KIAA1671: variants seen among roughly 807,000 people sequenced by gnomAD.
KIAA1671 encodes KIAA1671, also known as uncharacterized protein KIAA1671.
Under a neutral mutation model 131.2 loss-of-function variants are expected in KIAA1671, and 52 were observed. The observed-to-expected ratio is 0.40, with a 90% CI of 0.32 to 0.50. The LOEUF is 0.50. Ranked by LOEUF, KIAA1671 falls within the 20% of genes least tolerant of loss-of-function variation. The probability of loss-of-function intolerance (pLI) is 0.73; values close to 1 mark genes in which losing one functional copy is unlikely to be tolerated. For missense variants in KIAA1671, 2,360 were observed against 2,364.2 expected, an observed-to-expected ratio of 1.00 and a Z score of 0.04; for synonymous variants, 1,003 against 961.6, an observed-to-expected ratio of 1.04 and a Z score of -0.80.
chr22:24,964,854 A>G (rs1004444899), intron 1 of KIAA1671, among the ~76,000 whole-genome samples: 3 of 152,152 alleles, frequency 2.0e-5, no homozygotes, highest in Non-Finnish European at 4.4e-5. Flanking sequence ...GCCTGACTCC[A>G]GCCACCATGC....
chr22:25,149,237 A>T (rs1932959967), intron 6 of KIAA1671, among the ~76,000 whole-genome samples: 1 of 152,112 alleles, frequency 6.6e-6, no homozygotes, highest in Non-Finnish European at 1.5e-5. Context: ...GTGCCTGGGA[A>T]CCAGGATTGG....
intron 1 of KIAA1671, among the ~76,000 whole-genome samples, chr22:24,961,816 C>T (rs768578994): frequency 7.2e-5 from 11 of 152,196 alleles, no homozygotes; most frequent in Admixed American, 1.3e-4. Flanking sequence ...TGGGGTAGGA[C>T]GGGTCCTTGC....
At chr22:25,131,780 G>C (rs1383321878) in intron 6 of KIAA1671, among the ~76,000 whole-genome samples, 2 of 152,240 alleles carry the variant, frequency 1.3e-5, no homozygotes, top group East Asian at 3.8e-4. Context: ...GGAGCAGGCT[G>C]GTTCCCTGTT....
intron 1 of KIAA1671, among the ~76,000 whole-genome samples, chr22:24,954,712 G>T (rs1170207463): frequency 1.3e-5 from 2 of 152,296 alleles, no homozygotes; most frequent in African/African-American, 4.8e-5. Flanking sequence ...AGGTTCAGAG[G>T]CTGGAAGCTG....
At chr22:25,078,387 A>G (rs982090084) in intron 6 of KIAA1671, among the ~76,000 whole-genome samples, 1 of 152,204 alleles carries the variant, frequency 6.6e-6, no homozygotes, top group Non-Finnish European at 1.5e-5. Flanking sequence ...TGAATAGCCA[A>G]GTATAATGGT....
At chr22:24,967,867 C>G (rs1230248460) in intron 1 of KIAA1671, among the ~76,000 whole-genome samples, 1 of 152,116 alleles carries the variant, frequency 6.6e-6, no homozygotes, top group Non-Finnish European at 1.5e-5. Context: ...GTGGCGGGTG[C>G]CTGTAGTCCC....
chr22:25,006,045 T>G (rs2123869161), intron 1 of KIAA1671, among the ~76,000 whole-genome samples: 1 of 152,280 alleles, frequency 6.6e-6, no homozygotes, highest in South Asian at 2.1e-4. Context: ...TTATTTTTCC[T>G]TTTTGAGATG....
intron 10 of KIAA1671, among the ~76,000 whole-genome samples, chr22:25,183,463 T>TCCCC (rs1934363011): frequency 1.2e-5 from 1 of 81,972 alleles, no homozygotes; most frequent in African/African-American, 4.9e-5. Context: ...CCTCCCTCCC[T>TCCCC]CTCTTCCTTC....
chr22:25,182,343 CCCTCCCTTTCTCTTCTTTCTTTCCT>C, intron 10 of KIAA1671, among the ~76,000 whole-genome samples: 1 of 75,656 alleles, frequency 1.3e-5, no homozygotes. Flanking sequence ...TTTCTTTCCT[CCCTCCCTTTCTCTTCTTTCTTTCCT>C]CCCTCCCTTT....
At chr22:25,179,506 C>G in intron 9 of KIAA1671, 3 of 1,611,028 alleles carry the variant, frequency 1.9e-6, no homozygotes, top group South Asian at 2.2e-5. Context: ...GCACCTCCCG[C>G]TCGTGCTCGC....
chr22:25,154,488 G>T (rs149782943), intron 6 of KIAA1671, among the ~76,000 whole-genome samples: 272 of 152,350 alleles, frequency 1.8e-3, no homozygotes, highest in African/African-American at 6.3e-3. Context: ...CAGGGCCTCT[G>T]GCTTACCATG....
Position 24,957,897 on chromosome 22 carries a change from C to T in KIAA1671, c.-208+5125C>T, listed in dbSNP as rs188775359. ...TTCTCCATGTTGGTCAGGCTGGTCT[C>T]GAACTCTCGACCTCATGTGATCCAC... On this transcript the variant is annotated intron_variant, in intron 1 of 12. Transcript: ENST00000358431. Among the ~76,000 whole-genome samples, 628 of 150,054 alleles carry T rather than the reference C, an allele frequency of 4.2e-3. 4 individuals are homozygous for T. The highest frequency in any genetic ancestry group is 0.015 in the African/African-American group (597 of 40,670).
intron 6 of KIAA1671, among the ~76,000 whole-genome samples, chr22:25,112,948 G>C (rs1047455443): frequency 6.6e-6 from 1 of 152,004 alleles, no homozygotes; most frequent in African/African-American, 2.4e-5. Context: ...ACCGAGGTGT[G>C]GTGGGCGAGT....
rs187323966 is a variant in KIAA1671, at chr22:25,067,863, C to T, written c.4530+18499C>T. 4.4e-3 allele frequency among the ~76,000 whole-genome samples: 673 copies of T among 152,380 alleles called. 2 individuals are homozygous for T. The highest frequency in any genetic ancestry group is 8.1e-3 in the Non-Finnish European group (552 of 68,032). On this transcript the variant is annotated intron_variant, in intron 6 of 12. Coordinates refer to ENST00000358431, the MANE Select transcript of KIAA1671 (RefSeq NM_001145206.2). ...AGTCATTCAGTAGGGCAGCCGCGAGCGCTGCATGCCCCACTTCTATTAATC... is the reference window on the plus strand; with the variant it reads ...AGTCATTCAGTAGGGCAGCCGCGAGTGCTGCATGCCCCACTTCTATTAATC...
intron 6 of KIAA1671, among the ~76,000 whole-genome samples, chr22:25,146,447 T>G (rs894754513): frequency 6.6e-6 from 1 of 152,206 alleles, no homozygotes; most frequent in African/African-American, 2.4e-5. Context: ...AGTACTGACA[T>G]GTTATTTATC....
intron 9 of KIAA1671, chr22:25,179,466 A>C: frequency 6.2e-7 from 1 of 1,613,360 alleles, no homozygotes; most frequent in East Asian, 2.2e-5. Flanking sequence ...TGGCGGCTGA[A>C]GTTGTTATTC....
At chr22:25,148,161 A>T (rs1188258088) in intron 6 of KIAA1671, among the ~76,000 whole-genome samples, 3 of 151,616 alleles carry the variant, frequency 2.0e-5, no homozygotes, top group Non-Finnish European at 4.4e-5. Flanking sequence ...ACTCCCTCAG[A>T]GGCCAGCCCT....
intron 6 of KIAA1671, among the ~76,000 whole-genome samples, chr22:25,136,408 T>C (rs1006700801): frequency 3.0e-4 from 46 of 152,200 alleles, no homozygotes; most frequent in African/African-American, 1.0e-3. Context: ...GCTCTTGCTT[T>C]TTTCTACACT....
intron 6 of KIAA1671, among the ~76,000 whole-genome samples, chr22:25,121,664 A>G (rs1035838270): frequency 8.5e-5 from 13 of 152,186 alleles, no homozygotes; most frequent in African/African-American, 3.1e-4. Flanking sequence ...ACTAGTTTTC[A>G]CTAAACACAA....
Sources: gnomAD v4.1 joint callset for allele counts (sites outside exome capture counted in the v4.1 genomes callset) on GRCh38, gnomAD v4.1.1 for gene constraint, MANE v1.5 for transcripts, NCBI Gene and HGNC (gene_info 2026-07-23, HGNC 2026-07-21) for gene names.